CAB39L: variants seen among roughly 807,000 people sequenced by gnomAD.
CAB39L encodes calcium-binding protein 39-like.
CAB39L carries 23 observed loss-of-function variants against 39.1 expected under a neutral mutation model. That is an observed-to-expected ratio of 0.59 (90% confidence interval 0.42 to 0.83). The LOEUF (loss-of-function observed/expected upper bound fraction) is 0.83. CAB39L is among the 40% of genes least tolerant of loss of function. CAB39L has a pLI of 0.00. For missense variants in CAB39L, 366 were observed against 391.9 expected (o/e 0.93, Z 0.56); for synonymous variants, 126 against 137.2 (o/e 0.92, Z 0.57).
intron 10 of CAB39L, among the ~76,000 whole-genome samples, chr13:49,330,611 C>T (rs531464612): frequency 6.6e-5 from 10 of 151,622 alleles, no homozygotes; most frequent in East Asian, 5.8e-4. Context: ...GGCAACAGAG[C>T]GAGACCCTGT....
At chr13:49,331,421 G>A (rs1206443375) in intron 10 of CAB39L, among the ~76,000 whole-genome samples, 1 of 151,914 alleles carries the variant, frequency 6.6e-6, no homozygotes, top group African/African-American at 2.4e-5. Context: ...AGCCGAGATC[G>A]CACCACTGCA....
chr13:49,320,284 G>T (rs748354574), intron 10 of CAB39L, among the ~76,000 whole-genome samples: 16 of 152,108 alleles, frequency 1.1e-4, no homozygotes, highest in Admixed American at 3.9e-4. Flanking sequence ...TTTAAAAAAT[G>T]TAATTTTCAA....
chr13:49,398,738 A>G (rs1956695181), intron 3 of CAB39L, among the ~76,000 whole-genome samples: 1 of 152,072 alleles, frequency 6.6e-6, no homozygotes. Flanking sequence ...AGAGACTTTC[A>G]GGACCAGTAA....
At chr13:49,337,192 G>A (rs1249936679) in intron 9 of CAB39L, among the ~76,000 whole-genome samples, 1 of 152,148 alleles carries the variant, frequency 6.6e-6, no homozygotes, top group Non-Finnish European at 1.5e-5. Flanking sequence ...AGAAGCAAAT[G>A]CATTGTTCTA....
intron 7 of CAB39L, among the ~76,000 whole-genome samples, chr13:49,349,241 T>A (rs1193309039): frequency 6.6e-6 from 1 of 152,120 alleles, no homozygotes; most frequent in Non-Finnish European, 1.5e-5. Context: ...TTGGAGTATG[T>A]ATTAATATTA....
chr13:49,395,972 T>C (rs781201493), intron 3 of CAB39L, among the ~76,000 whole-genome samples: 10 of 151,846 alleles, frequency 6.6e-5, no homozygotes, highest in Admixed American at 4.6e-4. Flanking sequence ...TGCTATTCAA[T>C]AATAATTTGA....
At chr13:49,398,028 G>A (rs983830142) in intron 3 of CAB39L, among the ~76,000 whole-genome samples, 4 of 152,044 alleles carry the variant, frequency 2.6e-5, no homozygotes, top group Non-Finnish European at 4.4e-5. Flanking sequence ...AGTAAGCCCT[G>A]TGCCTGTCTA....
At chr13:49,398,314 T>A (rs1956684621) in intron 3 of CAB39L, among the ~76,000 whole-genome samples, 1 of 152,118 alleles carries the variant, frequency 6.6e-6, no homozygotes, top group South Asian at 2.1e-4. Context: ...ATACCAACTT[T>A]GACTATAATT....
chr13:49,329,534 T>TTA (rs1954607575), intron 10 of CAB39L, among the ~76,000 whole-genome samples: 1 of 17,400 alleles, frequency 5.7e-5, no homozygotes, highest in Non-Finnish European at 8.9e-5. Flanking sequence ...TCTCTTCAAT[T>TTA]AAAAAAAAAA....
At chr13:49,355,088 G>A (rs529945933) in intron 6 of CAB39L, among the ~76,000 whole-genome samples, 20 of 151,958 alleles carry the variant, frequency 1.3e-4, no homozygotes, top group Non-Finnish European at 2.8e-4. Context: ...TAAAAATAAT[G>A]AGTTAGGCCA....
chr13:49,398,448 G>T (rs1483035262), intron 3 of CAB39L, among the ~76,000 whole-genome samples: 1 of 151,924 alleles, frequency 6.6e-6, no homozygotes, highest in African/African-American at 2.4e-5. Context: ...ATATATCCCA[G>T]AAATGGAAAA....
chr13:49,415,794 T>C (rs1194407479), intron 3 of CAB39L, among the ~76,000 whole-genome samples: 1 of 152,140 alleles, frequency 6.6e-6, no homozygotes, highest in Non-Finnish European at 1.5e-5. Context: ...AAATAATGCT[T>C]TGTACACGGT....
At chr13:49,421,584 G>C (rs1224189472) in intron 3 of CAB39L, among the ~76,000 whole-genome samples, 6 of 152,128 alleles carry the variant, frequency 3.9e-5, no homozygotes, top group Admixed American at 6.5e-5. Context: ...GACTTGTTGA[G>C]TGCTGGACTT....
chr13:49,438,282 C>G (rs1371251540), intron 1 of CAB39L, among the ~76,000 whole-genome samples: 1 of 152,152 alleles, frequency 6.6e-6, no homozygotes, highest in African/African-American at 2.4e-5. Flanking sequence ...TCTTTTCCTC[C>G]CATTTTTTTG....
chr13:49,349,019 T>C (rs1955264011), intron 7 of CAB39L, among the ~76,000 whole-genome samples: 1 of 152,190 alleles, frequency 6.6e-6, no homozygotes, highest in Admixed American at 6.5e-5. Context: ...TCTCACACTT[T>C]GTGTCACCAT....
chr13:49,342,735 G>A (rs764258331), intron 8 of CAB39L, among the ~76,000 whole-genome samples: 4 of 152,044 alleles, frequency 2.6e-5, no homozygotes, highest in East Asian at 1.9e-4. Context: ...GGCCATACGC[G>A]GCTACTGAGC....
At chr13:49,366,368 A>G (rs900197708) in intron 5 of CAB39L, among the ~76,000 whole-genome samples, 1 of 152,118 alleles carries the variant, frequency 6.6e-6, no homozygotes, top group Non-Finnish European at 1.5e-5. Flanking sequence ...AATTAAAAAG[A>G]AAAAAAGAGA....
chr13:49,339,882 G>A (rs574379628), intron 8 of CAB39L, 140 bp from the exon 9 acceptor site: 2 of 1,050,902 alleles, frequency 1.9e-6, no homozygotes, highest in South Asian at 4.1e-5. Flanking sequence ...AGACACTGGG[G>A]GACAGGGAGG....
chr13:49,355,167 G>A (rs569839928), intron 6 of CAB39L, among the ~76,000 whole-genome samples: 181 of 151,798 alleles, frequency 1.2e-3, no homozygotes, highest in African/African-American at 4.1e-3. Context: ...CTTGAGCCCA[G>A]GAGTTTGAAA....
Sources: allele counts gnomAD v4.1 joint callset (sites outside exome capture counted in the v4.1 genomes callset), GRCh38; gene constraint gnomAD v4.1.1; transcripts MANE v1.5; gene names NCBI Gene and HGNC (gene_info 2026-07-23, HGNC 2026-07-21).